The following PTPRN2 variants were observed in gnomAD, a reference collection of about 807,000 sequenced individuals.
PTPRN2 encodes receptor-type tyrosine-protein phosphatase N2.
A neutral mutation model predicts 118.8 loss-of-function variants in PTPRN2; 74 were observed. That is an observed-to-expected ratio of 0.62 (90% CI 0.52 to 0.76). The LOEUF (loss-of-function observed/expected upper bound fraction) is 0.76, where lower values mean the gene tolerates loss of function less well. Among genes scored for constraint, PTPRN2 ranks in the 30% least tolerant of loss-of-function variants. The probability of loss-of-function intolerance (pLI) is 0.00; values close to 1 mark genes in which losing one functional copy is unlikely to be tolerated. For missense variants in PTPRN2, 1,481 were observed against 1,394.4 expected, an observed-to-expected ratio of 1.06 and a Z score of -0.99; for synonymous variants, 641 against 608.0, an observed-to-expected ratio of 1.05 and a Z score of -0.80.
chr7:157,774,007 G>A (rs1254946346), intron 12 of PTPRN2, among the ~76,000 whole-genome samples: 1 of 152,168 alleles, frequency 6.6e-6, no homozygotes, highest in Non-Finnish European at 1.5e-5. Context: ...TTAAAAAGAG[G>A]TGACAAAAAG....
At chr7:157,672,562 C>G (rs1040965245) in intron 13 of PTPRN2, among the ~76,000 whole-genome samples, 1 of 152,160 alleles carries the variant, frequency 6.6e-6, no homozygotes, top group African/African-American at 2.4e-5. Flanking sequence ...AAAGGCCATT[C>G]CAGGAAGATT....
At chr7:158,133,522 C>T (rs912377312) in intron 9 of PTPRN2, among the ~76,000 whole-genome samples, 155 bp downstream of exon 9, 3 of 152,214 alleles carry the variant, frequency 2.0e-5, no homozygotes, top group Non-Finnish European at 2.9e-5. Context: ...GGCTGCCCTC[C>T]GCGCCTGAGA....
intron 17 of PTPRN2, among the ~76,000 whole-genome samples, chr7:157,594,239 G>A (rs1202617905): frequency 2.0e-5 from 3 of 152,240 alleles, no homozygotes; most frequent in African/African-American, 7.2e-5. Flanking sequence ...GGAGTCACGC[G>A]AGGCTGACGG....
At chr7:157,992,701 T>TG (rs72053351) in intron 11 of PTPRN2, among the ~76,000 whole-genome samples, 1 of 152,070 alleles carries the variant, frequency 6.6e-6, no homozygotes, top group East Asian at 1.9e-4. Context: ...GAGGCAGATG[T>TG]GGGGGGTCAC....
At chr7:158,175,219 G>A (rs145220084) in intron 5 of PTPRN2, among the ~76,000 whole-genome samples, 2 of 152,318 alleles carry the variant, frequency 1.3e-5, no homozygotes, top group African/African-American at 4.8e-5. Context: ...GCACTGACAG[G>A]CACCTTGATC....
At chr7:157,580,293 T>C (rs749400161) in intron 17 of PTPRN2, among the ~76,000 whole-genome samples, 59 of 152,158 alleles carry the variant, frequency 3.9e-4, no homozygotes, top group Non-Finnish European at 6.8e-4. Flanking sequence ...GATCCTTATT[T>C]AATCTTAATG....
At position 157,813,125 on chromosome 7, in the gene PTPRN2, G is replaced by A. The variant is rs959058307; in HGVS notation, c.1788+85548C>T. On this transcript the variant is annotated intron_variant, in intron 12 of 22. Transcript: ENST00000389418. This position sits in a 1 kb window ranked among gnomAD's most constrained non-coding sequence, Gnocchi z 4.7. ...GTGCCGTGCTAAAACCACACGCATG[G>A]CAGCCTCCCCCAAGCCAACCACCCG... Among the ~76,000 whole-genome samples, 8 of 152,116 alleles carry A rather than the reference G, an allele frequency of 5.3e-5. No homozygotes were observed. The highest frequency in any genetic ancestry group is 1.9e-4 in the African/African-American group (8 of 41,396).
At chr7:157,795,364 C>T (rs1391272557) in intron 12 of PTPRN2, among the ~76,000 whole-genome samples, 1 of 152,246 alleles carries the variant, frequency 6.6e-6, no homozygotes, top group Non-Finnish European at 1.5e-5. Context: ...CAGCCACAGC[C>T]TGCAAAATCT....
intron 1 of PTPRN2, among the ~76,000 whole-genome samples, chr7:158,575,155 C>T (rs976918681): frequency 4.6e-5 from 7 of 152,144 alleles, no homozygotes; most frequent in African/African-American, 1.2e-4. Flanking sequence ...TTTTGGAGTT[C>T]GTACTTATTT....
intron 2 of PTPRN2, among the ~76,000 whole-genome samples, chr7:158,357,862 T>G (rs1808515196): frequency 6.6e-6 from 1 of 152,120 alleles, no homozygotes; most frequent in Non-Finnish European, 1.5e-5. Flanking sequence ...AGCCCTCAAC[T>G]CTGGCTCACC....
intron 14 of PTPRN2, among the ~76,000 whole-genome samples, chr7:157,653,149 C>T (rs2150730204): frequency 6.6e-6 from 1 of 152,352 alleles, no homozygotes; most frequent in Non-Finnish European, 1.5e-5. Flanking sequence ...CCTGCTGGGG[C>T]TCCTCACATC....
Position 158,133,793 on chromosome 7 carries a change from G to T in PTPRN2, c.1440C>A (p.Pro480=). The T allele has an allele frequency of 6.2e-7, 1 of 1,613,986 alleles. No individual in the cohort carries two copies. Among genetic ancestry groups the T allele is most frequent in the Non-Finnish European group, 8.5e-7 (1 of 1,180,034 alleles). The change falls in exon 9 of 23, where the codon CCC becomes CCA. Residue 480 remains proline, a synonymous_variant. Transcript: ENST00000389418. ...CTGGAAGGCTCTGCTCCTCCTTCGA[G>T]GGCCCAGGCATCTGGTTTTGGAGCT... ...FGELQNQMPG[P]SKEEQSLPAG...
chr7:157,830,482 T>C (rs7801853), intron 12 of PTPRN2, among the ~76,000 whole-genome samples: 20,451 of 151,586 alleles, frequency 0.13, 2,554 homozygotes, highest in African/African-American at 0.33. Context: ...CCGCTGTGGC[T>C]GGAGGCACAC....
chr7:157,724,744 C>T (rs1038892776), intron 12 of PTPRN2, among the ~76,000 whole-genome samples: 6 of 152,202 alleles, frequency 3.9e-5, no homozygotes, highest in Admixed American at 2.6e-4. Context: ...TGAATAACAG[C>T]GTAGTTGGGT....
At chr7:157,701,966 C>T (rs967815278) in intron 12 of PTPRN2, among the ~76,000 whole-genome samples, 27 of 148,878 alleles carry the variant, frequency 1.8e-4, no homozygotes, top group African/African-American at 4.7e-4. Context: ...GTGTAACTGA[C>T]GCGGGCTGTG....
intron 10 of PTPRN2, among the ~76,000 whole-genome samples, chr7:158,094,303 TC>T (rs112570279): frequency 6.7e-5 from 10 of 149,386 alleles, no homozygotes; most frequent in African/African-American, 1.5e-4. Flanking sequence ...CTGTGTTTTT[TC>T]TGTTTTGTTT....
chr7:157,844,560 T>C (rs1056428605), intron 12 of PTPRN2, among the ~76,000 whole-genome samples: 2 of 152,172 alleles, frequency 1.3e-5, no homozygotes, highest in Non-Finnish European at 2.9e-5. Flanking sequence ...GAGCCCAGCG[T>C]GACCAGCCTG....
chr7:157,996,280 C>G (rs10258292), intron 11 of PTPRN2, among the ~76,000 whole-genome samples: 103,280 of 152,090 alleles, frequency 0.68, 35,363 homozygotes, highest in East Asian at 0.88. Context: ...AGACCCGGGA[C>G]GCTGGGAAGG....
At chr7:158,072,414 A>G (rs1812014041) in intron 11 of PTPRN2, among the ~76,000 whole-genome samples, 1 of 152,096 alleles carries the variant, frequency 6.6e-6, no homozygotes, top group Non-Finnish European at 1.5e-5. Context: ...GAAAAGTGCA[A>G]AGAATCAGAT....
Sources: allele counts gnomAD v4.1 joint callset (sites outside exome capture counted in the v4.1 genomes callset), GRCh38; gene constraint gnomAD v4.1.1; non-coding constraint Gnocchi (gnomAD v3.1); transcripts MANE v1.5; gene names NCBI Gene and HGNC (gene_info 2026-07-23, HGNC 2026-07-21).